Variants in RANBP3L observed in about 807,000 individuals in gnomAD.
The protein encoded by RANBP3L is ran-binding protein 3-like.
In RANBP3L, 56 loss-of-function variants were observed where a neutral mutation model predicts 67.2. That is an observed-to-expected ratio of 0.83 (90% CI 0.67 to 1.04). The LOEUF is 1.04. RANBP3L is among the 50% of genes least tolerant of loss of function. The pLI, the probability that RANBP3L is intolerant of heterozygous loss-of-function variation, is 0.00. For synonymous variants in RANBP3L, 164 were observed against 181.4 expected, an observed-to-expected ratio of 0.90 and a Z score of 0.77; for missense variants, 496 against 535.5, an observed-to-expected ratio of 0.93 and a Z score of 0.73.
At chr5:36,255,177 G>A (rs1748880584) in intron 11 of RANBP3L, among the ~76,000 whole-genome samples, 3 of 152,024 alleles carry the variant, frequency 2.0e-5, no homozygotes, top group African/African-American at 7.2e-5. Flanking sequence ...CACTCAATAA[G>A]TCATGAACTA....
intron 1 of RANBP3L, among the ~76,000 whole-genome samples, chr5:36,290,802 G>A (rs1208034721): frequency 7.2e-6 from 1 of 139,364 alleles, no homozygotes. Flanking sequence ...CGCGATCTCG[G>A]CTCACTGCAA....
At position 36,253,700 on chromosome 5, in the gene RANBP3L, G is replaced by C; in HGVS notation, c.1114C>G (p.Arg372Gly). 6.2e-7 allele frequency: 1 copy of C among 1,611,088 alleles called. No individual in the cohort carries two copies. Among genetic ancestry groups the C allele is most frequent in the Non-Finnish European group, 8.5e-7 (1 of 1,177,514 alleles). The stretch of plus-strand genomic sequence containing the variant: ...TCTTCTAAATCAGTAGCTGTTATTC[G>C]TACATTTTTGTGGTTTGCTCTTTGA... ...KIQRANHKNVRITATDLEDYS... is the reference protein window; with the variant it reads ...KIQRANHKNVGITATDLEDYS... Residue 372 changes from arginine (R) to glycine (G), a missense_variant, in exon 12 of 14, where the codon CGA (arginine) becomes GGA (glycine). By Grantham distance (125) the Arg-to-Gly change is moderately radical. Transcript: ENST00000296604.
intron 8 of RANBP3L, among the ~76,000 whole-genome samples, chr5:36,259,960 T>A (rs976418671): frequency 6.6e-6 from 1 of 152,128 alleles, no homozygotes; most frequent in Non-Finnish European, 1.5e-5. Context: ...ACTAGGCAAG[T>A]ATATTCTCCT....
At chr5:36,267,108 T>C (rs924649115) in intron 4 of RANBP3L, among the ~76,000 whole-genome samples, 10 of 152,166 alleles carry the variant, frequency 6.6e-5, no homozygotes, top group Non-Finnish European at 1.5e-4. Context: ...TTAGAAGGAC[T>C]AGAGACACTA....
chr5:36,268,175 C>G, intron 4 of RANBP3L: 1 of 1,489,814 alleles, frequency 6.7e-7, no homozygotes, highest in Non-Finnish European at 9.0e-7. Flanking sequence ...GCTTGAGGTT[C>G]TAGAAACTCT....
chr5:36,289,826 A>AAG lies in RANBP3L; in HGVS notation c.91+11499_91+11500insCT, dbSNP rs1318263372. The stretch of plus-strand genomic sequence containing the variant: ...ATACCATCAATCATCTGCAAAAAAA[A>AAG]AAAAGATAGTTTTACTTCTTTATTT... On this transcript the variant is annotated intron_variant, in intron 1 of 13. Transcript: ENST00000296604. 2.0e-5 allele frequency among the ~76,000 whole-genome samples: 3 copies of AAG among 152,098 alleles called. No individual in the cohort carries two copies. The East Asian group carries it at 5.8e-4, about 29-fold the overall frequency.
Position 36,265,091 on chromosome 5 carries a change from C to T in RANBP3L, c.348G>A (p.Val116=), listed in dbSNP as rs770173145. 4.4e-6 allele frequency: 7 copies of T among 1,595,576 alleles called. No homozygotes were observed. The Admixed American group carries it at 1.2e-4, about 27-fold the overall frequency. Residue 116 remains valine, a synonymous_variant, in exon 6 of 14, where the codon GTG becomes GTA. Coordinates refer to ENST00000296604, the MANE Select transcript of RANBP3L (RefSeq NM_145000.5). The part of the protein sequence containing the change: ...VDIKSAEQGP[V]KHSKHVIRPA... ...GTCTAATAACATGTTTAGAATGTTT[C>T]ACAGGACCTTAAAAGAATAGAATTA...
intron 1 of RANBP3L, among the ~76,000 whole-genome samples, chr5:36,283,493 A>T (rs2112031825): frequency 6.6e-6 from 1 of 151,904 alleles, no homozygotes; most frequent in Admixed American, 6.6e-5. Context: ...GAACCTCATA[A>T]TCTGTAGTAC....
intron 1 of RANBP3L, among the ~76,000 whole-genome samples, chr5:36,297,462 C>T (rs1752310450): frequency 1.3e-5 from 2 of 149,156 alleles, no homozygotes; most frequent in Admixed American, 1.3e-4. Context: ...CACACACATC[C>T]TATTGGTTCT....
At chr5:36,280,554 C>T (rs1750901624) in intron 1 of RANBP3L, among the ~76,000 whole-genome samples, 1 of 152,100 alleles carries the variant, frequency 6.6e-6, no homozygotes, top group African/African-American at 2.4e-5. Context: ...TCACATAGAA[C>T]ATCAGGCAGA....
At chr5:36,263,913 T>C (rs1192067368) in intron 6 of RANBP3L, among the ~76,000 whole-genome samples, 1 of 152,224 alleles carries the variant, frequency 6.6e-6, no homozygotes, top group Non-Finnish European at 1.5e-5. Flanking sequence ...AATATACTTA[T>C]CTAAAATTGA....
At chr5:36,269,533 G>T in intron 3 of RANBP3L, 66 bp from the exon 4 acceptor site, 1 of 936,526 alleles carries the variant, frequency 1.1e-6, no homozygotes, top group Non-Finnish European at 1.7e-6. Context: ...ACTCATGATA[G>T]GGTAGGATAA....
intron 11 of RANBP3L, among the ~76,000 whole-genome samples, chr5:36,255,236 T>G (rs10074037): frequency 6.6e-6 from 1 of 152,092 alleles, no homozygotes; most frequent in African/African-American, 2.4e-5. Flanking sequence ...GAAAGAGATT[T>G]AAAAACTTAT....
chr5:36,254,531 T>TACTCA, intron 11 of RANBP3L, among the ~76,000 whole-genome samples: 1 of 152,082 alleles, frequency 6.6e-6, no homozygotes, highest in South Asian at 2.1e-4. Context: ...TGGCAGGCAG[T>TACTCA]GGAATCAAAC....
At chr5:36,285,157 T>C (rs984869409) in intron 1 of RANBP3L, among the ~76,000 whole-genome samples, 12 of 152,186 alleles carry the variant, frequency 7.9e-5, no homozygotes, top group Admixed American at 6.5e-4. Flanking sequence ...ATAAATGTGA[T>C]TTGTTTGTAA....
At chr5:36,283,124 G>T (rs754126712) in intron 1 of RANBP3L, among the ~76,000 whole-genome samples, 10 of 152,102 alleles carry the variant, frequency 6.6e-5, no homozygotes, top group Non-Finnish European at 1.5e-4. Context: ...GGCTAGCTCA[G>T]TTGGCTCACT....
Position 36,265,567 on chromosome 5 carries a change from G to A in RANBP3L, c.269-47C>T, listed in dbSNP as rs749408674. 4.5e-6 allele frequency: 5 copies of A among 1,115,954 alleles called. No individual in the cohort carries two copies. The South Asian group carries it at 5.4e-5, about 12-fold the overall frequency. The allele number at this position is 1,115,954 out of a possible 1,614,324, so 69.1% of individuals were successfully genotyped here. A position where few individuals can be genotyped will look rare whatever the true frequency, so the allele number is the denominator to read the frequency against. On this transcript the variant is annotated intron_variant, in intron 4 of 13. Transcript: ENST00000296604. ...TTTTTTTAAATACAGAAGAGTGTCA[G>A]ATTCTACACTATTTGGGGCTTAACA... is the stretch of plus-strand genomic sequence containing the variant.
At chr5:36,256,880 A>G in intron 10 of RANBP3L, 61 bp downstream of exon 10, 1 of 1,471,790 alleles carries the variant, frequency 6.8e-7, no homozygotes, top group East Asian at 2.4e-5. Flanking sequence ...GCCTCTTCTC[A>G]TGTTAACTTT....
chr5:36,255,684 T>C (rs1157716425), intron 10 of RANBP3L, 94 bp from the exon 11 acceptor site: 2 of 709,174 alleles, frequency 2.8e-6, no homozygotes, highest in Non-Finnish European at 4.5e-6. Flanking sequence ...GTGTCTAGTC[T>C]TTTACCAAAA....
Sources: gnomAD v4.1 joint callset for allele counts (sites outside exome capture counted in the v4.1 genomes callset) on GRCh38, gnomAD v4.1.1 for gene constraint, MANE v1.5 for transcripts, NCBI Gene and HGNC (gene_info 2026-07-23, HGNC 2026-07-21) for gene names.